The following ITGB3 variants were observed in gnomAD, a reference collection of about 807,000 sequenced individuals.
ITGB3 encodes integrin subunit beta 3.
ITGB3 carries 48 observed loss-of-function variants against 85.8 expected under a neutral mutation model. The ratio of observed to expected loss-of-function variants is 0.56; its 90% CI spans 0.44 to 0.71. The LOEUF (loss-of-function observed/expected upper bound fraction) is 0.71. ITGB3 is among the 30% of genes least tolerant of loss of function. The pLI, the probability that ITGB3 is intolerant of heterozygous loss-of-function variation, is 0.00. For missense variants in ITGB3, 861 were observed against 1,019.1 expected (o/e 0.84, Z 2.11); for synonymous variants, 363 against 395.6 (o/e 0.92, Z 0.98).
intron 1 of ITGB3, among the ~76,000 whole-genome samples, chr17:47,265,725 AT>A (rs1374457101): frequency 6.6e-6 from 1 of 152,224 alleles, no homozygotes; most frequent in Non-Finnish European, 1.5e-5. Context: ...ACATTTTAAT[AT>A]TGGTGGAGGC....
At chr17:47,286,761 G>T (rs983281155) in intron 5 of ITGB3, among the ~76,000 whole-genome samples, 3 of 152,228 alleles carry the variant, frequency 2.0e-5, no homozygotes, top group African/African-American at 7.2e-5. Context: ...GATCAGCTCT[G>T]TGGATGCACG....
intron 1 of ITGB3, among the ~76,000 whole-genome samples, chr17:47,265,996 AT>A (rs2143045479): frequency 6.6e-6 from 1 of 152,338 alleles, no homozygotes; most frequent in East Asian, 1.9e-4. Flanking sequence ...CTGATGCTAC[AT>A]TTAAGGAAGG....
intron 1 of ITGB3, among the ~76,000 whole-genome samples, chr17:47,269,016 A>G (rs1353368471): frequency 6.6e-6 from 1 of 150,952 alleles, no homozygotes. Context: ...ACCACATGGA[A>G]GCTGCCAAGG....
intron 1 of ITGB3, among the ~76,000 whole-genome samples, chr17:47,265,924 A>G (rs2065023635): frequency 6.6e-6 from 1 of 152,192 alleles, no homozygotes; most frequent in Non-Finnish European, 1.5e-5. Flanking sequence ...CTCAGAGCAC[A>G]GAGGTATGTG....
At chr17:47,302,545 T>A (rs934352696) in intron 12 of ITGB3, among the ~76,000 whole-genome samples, 176 bp from the exon 13 acceptor site, 1 of 152,070 alleles carries the variant, frequency 6.6e-6, no homozygotes, top group Non-Finnish European at 1.5e-5. Flanking sequence ...CATCAGTGAG[T>A]GTCAGTGAGT....
intron 7 of ITGB3, 107 bp from the exon 8 acceptor site, chr17:47,290,078 C>T: frequency 1.1e-6 from 1 of 886,654 alleles, no homozygotes; most frequent in Non-Finnish European, 1.9e-6. Context: ...ATATCCCGTA[C>T]CTTCCTCCAA....
In ITGB3 at chr17:47,310,810, T is replaced by C. The variant is rs1444013783; in HGVS notation, c.*606T>C. 1 of 171,020 alleles carries C rather than the reference T, an allele frequency of 5.8e-6. No homozygotes were observed. The allele number at this position is 171,020 out of a possible 1,614,324, so 10.6% of individuals were successfully genotyped here. ...GAACTATTAGAGCTGCCTGTGCCTT[T>C]TGCCATCCCCTCAACCCAGCTATGG... On this transcript the variant is annotated 3_prime_UTR_variant, in exon 15 of 15. Transcript: ENST00000559488.
In ITGB3 at chr17:47,283,945, G is replaced by A. The variant is rs576811859; in HGVS notation, c.361+396G>A. Among the ~76,000 whole-genome samples, 4 of 152,342 alleles carry A rather than the reference G, an allele frequency of 2.6e-5. No homozygotes were observed. In the East Asian group the frequency reaches 7.7e-4, roughly 29 times the overall value. Reference sequence around the variant, plus strand: ...AAGCCCCCCTTTCATGGGGAATTGGGACAGGGGAATGGGGGCAGACACAAT... The same window carrying A: ...AAGCCCCCCTTTCATGGGGAATTGGAACAGGGGAATGGGGGCAGACACAAT... On this transcript the variant is annotated intron_variant, in intron 3 of 14. Coordinates refer to ENST00000559488, the MANE Select transcript of ITGB3 (RefSeq NM_000212.3).
At chr17:47,306,919 C>A (rs1188435974) in intron 13 of ITGB3, among the ~76,000 whole-genome samples, 12 of 152,134 alleles carry the variant, frequency 7.9e-5, no homozygotes, top group African/African-American at 2.9e-4. Context: ...ACCTCAGGTG[C>A]TCTGCCCACC....
At position 47,302,762 on chromosome 17, in the gene ITGB3, G is replaced by A. The variant is rs867459530; in HGVS notation, c.2056G>A (p.Glu686Lys). 1.5e-5 allele frequency: 24 copies of A among 1,613,944 alleles called. No homozygotes were observed. In the African/African-American group the frequency reaches 2.9e-4, roughly 20 times the overall value. Residue 686 changes from glutamate to lysine, a missense_variant, in exon 13 of 15, where the codon GAG (glutamate) becomes AAG (lysine). Transcript: ENST00000559488. ...TGCAGTGAATTGTACCTATAAGAAT[G>A]AGGATGACTGTGTCGTCAGATTCCA... ...KDAVNCTYKN[E>K]DDCVVRFQYY...
At position 47,302,571 on chromosome 17, in the gene ITGB3, C is replaced by T; in HGVS notation, c.2015-150C>T. The T allele has an allele frequency of 8.7e-6, 8 of 916,194 alleles. No homozygotes were observed. The South Asian group carries it at 9.2e-5, about 11-fold the overall frequency. The allele number at this position is 916,194 out of a possible 1,614,324, so 56.8% of individuals were successfully genotyped here. A position where few individuals can be genotyped will look rare whatever the true frequency, so the allele number is the denominator to read the frequency against. On this transcript the variant is annotated intron_variant, in intron 12 of 14. Coordinates refer to ENST00000559488, the MANE Select transcript of ITGB3 (RefSeq NM_000212.3). ...GTCAGTGAGTGGCAACTGCCAGACACAACAGCCACCTTGAATCTAGGCATC... is the reference window on the plus strand; with the variant it reads ...GTCAGTGAGTGGCAACTGCCAGACATAACAGCCACCTTGAATCTAGGCATC...
chr17:47,284,610 A>G lies in ITGB3; in HGVS notation c.529A>G (p.Ile177Val), dbSNP rs375645378. 6.2e-7 allele frequency: 1 copy of G among 1,614,054 alleles called. No individual in the cohort carries two copies. The highest frequency in any genetic ancestry group is 8.5e-7 in the Non-Finnish European group (1 of 1,179,978). ...GCGAAAGCTCACCAGTAACCTGCGG[A>G]TTGGCTTCGGGGCATTTGTGGACAA... ...QMRKLTSNLR[I>V]GFGAFVDKPV... Residue 177 changes from isoleucine to valine, a missense_variant, in exon 4 of 15, where the codon ATT becomes GTT. Transcript: ENST00000559488.
At chr17:47,283,857 T>A (rs2065093169) in intron 3 of ITGB3, among the ~76,000 whole-genome samples, 1 of 152,198 alleles carries the variant, frequency 6.6e-6, no homozygotes, top group Non-Finnish European at 1.5e-5. Flanking sequence ...AAGTGCCTGT[T>A]TTACCTAGCT....
chr17:47,303,871 C>T (rs1344184188), intron 13 of ITGB3: 12 of 152,140 alleles, frequency 7.9e-5, no homozygotes, highest in African/African-American at 2.9e-4. Flanking sequence ...GGAGAACAGA[C>T]CCCAGATCCA....
chr17:47,300,577 T>G lies in ITGB3; in HGVS notation c.2013T>G (p.Leu671=). The G allele has an allele frequency of 6.2e-7, 1 of 1,612,352 alleles. No homozygotes were observed. The highest frequency in any genetic ancestry group is 8.5e-7 in the Non-Finnish European group (1 of 1,178,576). ...ACGAGATTGAGTCAGTGAAAGAGCT[T>G]AGTAAGTTCAGCACATCTTAGAGTT... is the stretch of plus-strand genomic sequence containing the variant. ...CRDEIESVKE[L]KDTGKDAVNC... Residue 671 remains leucine, a splice_region_variant and synonymous_variant, in exon 12 of 15, where the codon CTT becomes CTG. Coordinates refer to ENST00000559488, the MANE Select transcript of ITGB3 (RefSeq NM_000212.3).
chr17:47,307,664 A>G, intron 14 of ITGB3, 27 bp downstream of exon 14: 1 of 1,610,552 alleles, frequency 6.2e-7, no homozygotes, highest in Non-Finnish European at 8.5e-7. Flanking sequence ...GGCGTTTTCT[A>G]AAGTCATTGG....
Position 47,292,239 on chromosome 17 carries a change from A to T in ITGB3, c.1361A>T (p.Gln454Leu). Residue 454 changes from glutamine (Q) to leucine (L), a missense_variant, in exon 10 of 15, where the codon CAG (glutamine) becomes CTG (leucine). Coordinates refer to ENST00000559488, the MANE Select transcript of ITGB3 (RefSeq NM_000212.3). ...GGCTTCAAGGACAGCCTGATCGTCC[A>T]GGTCACCTTTGATTGTGACTGTGCC... Reference protein sequence around the residue: ...PVGFKDSLIVQVTFDCDCACQ... With the variant: ...PVGFKDSLIVLVTFDCDCACQ... The T allele has an allele frequency of 6.2e-7, 1 of 1,614,238 alleles. No homozygotes were observed. The highest frequency in any genetic ancestry group is 8.5e-7 in the Non-Finnish European group (1 of 1,180,030).
intron 2 of ITGB3, among the ~76,000 whole-genome samples, chr17:47,275,702 G>A (rs2143071882): frequency 6.6e-6 from 1 of 152,338 alleles, no homozygotes; most frequent in African/African-American, 2.4e-5. Flanking sequence ...CGGCCAGGAG[G>A]GCTGCCAGAG....
Position 47,284,715 on chromosome 17 carries a change from G to A in ITGB3, c.614+20G>A, listed in dbSNP as rs1235729467. 4.3e-6 allele frequency: 7 copies of A among 1,614,078 alleles called. No individual in the cohort carries two copies. The highest frequency in any genetic ancestry group is 2.2e-5 in the East Asian group (1 of 44,884). On this transcript the variant is annotated intron_variant, in intron 4 of 14. Transcript: ENST00000559488. ...CTATGAGTAAGTCCCTCCTCCAGAC[G>A]CCAGGACAGCATCCTTTGCCCCAGG...
Sources: gnomAD v4.1 joint callset for allele counts (sites outside exome capture counted in the v4.1 genomes callset) on GRCh38, gnomAD v4.1.1 for gene constraint, MANE v1.5 for transcripts, NCBI Gene and HGNC (gene_info 2026-07-23, HGNC 2026-07-21) for gene names.